ERC1: variants seen among roughly 807,000 people sequenced by gnomAD.
The protein encoded by ERC1 is ELKS/RAB6-interacting/CAST family member 1.
In ERC1, 56 loss-of-function variants were observed where a neutral mutation model predicts 132.0. That is an observed-to-expected ratio of 0.42 (90% CI 0.34 to 0.53). The LOEUF (loss-of-function observed/expected upper bound fraction) is 0.53, where lower values mean the gene tolerates loss of function less well. Ranked by LOEUF, ERC1 falls within the 20% of genes least tolerant of loss-of-function variation. ERC1 has a pLI of 0.03. For missense variants in ERC1, 1,202 were observed against 1,349.9 expected, an observed-to-expected ratio of 0.89 and a Z score of 1.72; for synonymous variants, 478 against 476.1, an observed-to-expected ratio of 1.00 and a Z score of -0.05.
chr12:1,374,800 CT>C (rs1415251136), intron 16 of ERC1, among the ~76,000 whole-genome samples: 2 of 147,430 alleles, frequency 1.4e-5, no homozygotes. Flanking sequence ...TATAGGCAGG[CT>C]GGGCTTTTCA....
chr12:1,485,411 G>T (rs555339709), intron 18 of ERC1, among the ~76,000 whole-genome samples: 3 of 151,066 alleles, frequency 2.0e-5, no homozygotes, highest in Admixed American at 1.3e-4. Flanking sequence ...CACCACATTG[G>T]CCAGGCTGGT....
At chr12:1,233,470 CA>C (rs60542316) in intron 12 of ERC1, among the ~76,000 whole-genome samples, 12,083 of 71,498 alleles carry the variant, frequency 0.17, 507 homozygotes, top group African/African-American at 0.36. Flanking sequence ...GACCCTGTCT[CA>C]AAAAAAAAAA....
chr12:1,150,922 G>A (rs554484192), intron 8 of ERC1, among the ~76,000 whole-genome samples: 1 of 152,302 alleles, frequency 6.6e-6, no homozygotes. Flanking sequence ...CTAAGGAAAT[G>A]CGAATAAAGC....
intron 1 of ERC1, among the ~76,000 whole-genome samples, chr12:995,228 G>A (rs1405497741): frequency 1.3e-5 from 2 of 152,132 alleles, no homozygotes; most frequent in Non-Finnish European, 2.9e-5. Flanking sequence ...TTGCACTCCA[G>A]CCTGGGCGAC....
intron 12 of ERC1, among the ~76,000 whole-genome samples, chr12:1,211,551 T>A: frequency 6.6e-6 from 1 of 152,046 alleles, no homozygotes; most frequent in East Asian, 1.9e-4. Flanking sequence ...AACTTGGATA[T>A]AATCAGAACT....
intron 17 of ERC1, among the ~76,000 whole-genome samples, chr12:1,420,350 A>G (rs1312976267): frequency 2.0e-5 from 3 of 152,222 alleles, no homozygotes; most frequent in Non-Finnish European, 4.4e-5. Flanking sequence ...ACTCTGAACC[A>G]GGGACTGACT....
chr12:1,244,898 T>TA (rs1332706685), intron 13 of ERC1: 2 of 154,174 alleles, frequency 1.3e-5, no homozygotes, highest in East Asian at 3.8e-4. Flanking sequence ...TTTTGCTAGT[T>TA]ACGTTAAAAA....
intron 1 of ERC1, among the ~76,000 whole-genome samples, chr12:1,008,612 T>G (rs1278299853): frequency 6.6e-5 from 10 of 152,120 alleles, no homozygotes; most frequent in Non-Finnish European, 1.0e-4. Flanking sequence ...TGAAATCAAT[T>G]GTATACTTTC....
chr12:1,291,730 AT>A (rs567038842), intron 15 of ERC1, among the ~76,000 whole-genome samples: 230 of 152,302 alleles, frequency 1.5e-3, no homozygotes, highest in Non-Finnish European at 2.8e-3. Flanking sequence ...GCTATTTTCC[AT>A]TCCTAGCATA....
chr12:1,466,224 T>C (rs1412420002), intron 18 of ERC1, among the ~76,000 whole-genome samples: 1 of 152,090 alleles, frequency 6.6e-6, no homozygotes, highest in South Asian at 2.1e-4. Flanking sequence ...CCCCTCTCCT[T>C]GGTGTATACA....
In ERC1 at chr12:1,493,071, G is replaced by C. The variant is rs186935253; in HGVS notation, c.*2841G>C. On this transcript the variant is annotated 3_prime_UTR_variant, in exon 19 of 19. Coordinates refer to ENST00000360905, the MANE Select transcript of ERC1 (RefSeq NM_178040.4). ...ATAAAGAGGGCACGAAGAAGAGTGG[G>C]TGTGATCCCAACGGGGTTTTGTAAC... 1,367 of 222,194 alleles carry C rather than the reference G, an allele frequency of 6.2e-3. 4 individuals are homozygous for C. The highest frequency in any genetic ancestry group is 0.011 in the Non-Finnish European group (1,177 of 111,010). 13.8% of individuals were successfully genotyped at this position (222,194 alleles called of 1,614,324 possible). A position where few individuals can be genotyped will look rare whatever the true frequency, so the allele number is the denominator to read the frequency against.
chr12:1,021,431 G>A (rs1163628828), intron 1 of ERC1, among the ~76,000 whole-genome samples: 2 of 151,942 alleles, frequency 1.3e-5, no homozygotes, highest in Non-Finnish European at 2.9e-5. Flanking sequence ...GATTCCGGCC[G>A]GGCGCGGTGG....
intron 15 of ERC1, among the ~76,000 whole-genome samples, chr12:1,313,693 T>G (rs544473653): frequency 7.5e-6 from 1 of 134,006 alleles, no homozygotes; most frequent in Non-Finnish European, 1.7e-5. Context: ...TATTCTAAAA[T>G]TTTTTTTTTT....
intron 2 of ERC1, among the ~76,000 whole-genome samples, chr12:1,072,045 G>A (rs928186357): frequency 6.6e-6 from 1 of 150,890 alleles, no homozygotes; most frequent in Non-Finnish European, 1.5e-5. Context: ...AGGTTGCAAT[G>A]AGCCAAGATT....
chr12:1,067,927 T>G (rs1435805825), intron 2 of ERC1, among the ~76,000 whole-genome samples: 1 of 7,836 alleles, frequency 1.3e-4, no homozygotes, highest in Non-Finnish European at 1.5e-3. Context: ...TAGCCACTGC[T>G]TTTTTTTTTT....
intron 17 of ERC1, among the ~76,000 whole-genome samples, chr12:1,423,369 T>G (rs925382216): frequency 3.9e-5 from 6 of 152,226 alleles, no homozygotes; most frequent in Middle Eastern, 3.2e-3. Flanking sequence ...TCAAATAAAC[T>G]CTTTAAAATT....
At chr12:1,447,691 C>A (rs964114751) in intron 18 of ERC1, among the ~76,000 whole-genome samples, 2 of 151,370 alleles carry the variant, frequency 1.3e-5, no homozygotes, top group Admixed American at 6.6e-5. Flanking sequence ...GCTCTGTCAC[C>A]CAGGCTGGAG....
intron 15 of ERC1, among the ~76,000 whole-genome samples, chr12:1,298,545 A>G (rs2080150749): frequency 7.1e-6 from 1 of 140,780 alleles, no homozygotes; most frequent in South Asian, 2.2e-4. Context: ...TCTGTCACAA[A>G]AAAAAAAAAA....
chr12:1,070,757 A>T (rs963092023), intron 2 of ERC1, among the ~76,000 whole-genome samples: 1 of 152,154 alleles, frequency 6.6e-6, no homozygotes, highest in Non-Finnish European at 1.5e-5. Context: ...TCTTGTTTCC[A>T]TGAGTTTTGA....
Sources: gnomAD v4.1 joint callset for allele counts (sites outside exome capture counted in the v4.1 genomes callset) on GRCh38, gnomAD v4.1.1 for gene constraint, MANE v1.5 for transcripts, NCBI Gene and HGNC (gene_info 2026-07-23, HGNC 2026-07-21) for gene names.